The following DPP6 variants were observed in gnomAD, a reference collection of about 807,000 sequenced individuals.
DPP6 encodes the protein A-type potassium channel modulatory protein DPP6.
In DPP6, 69 loss-of-function variants were observed where a neutral mutation model predicts 122.6. The observed-to-expected ratio is 0.56, with a 90% CI of 0.46 to 0.69. The LOEUF is 0.69. Among genes scored for constraint, DPP6 ranks in the 30% least tolerant of loss-of-function variants. The pLI is 0.00. For missense variants in DPP6, 928 were observed against 1,116.9 expected (o/e 0.83, Z 2.41); for synonymous variants, 418 against 433.1 (o/e 0.97, Z 0.43).
intron 22 of DPP6, among the ~76,000 whole-genome samples, chr7:154,886,522 C>T (rs1806169283): frequency 6.6e-6 from 1 of 152,212 alleles, no homozygotes; most frequent in African/African-American, 2.4e-5. Flanking sequence ...GTGACCTGAA[C>T]CCATTTCTTA....
chr7:153,988,537 C>A (rs1490544006), intron 1 of DPP6, among the ~76,000 whole-genome samples: 1 of 152,160 alleles, frequency 6.6e-6, no homozygotes, highest in African/African-American at 2.4e-5. Flanking sequence ...GCCTCACCCA[C>A]CCTTTTTTGA....
chr7:154,536,681 A>C (rs1263737291), intron 3 of DPP6, among the ~76,000 whole-genome samples: 2 of 152,210 alleles, frequency 1.3e-5, no homozygotes, highest in Non-Finnish European at 1.5e-5. Context: ...TCCAGATAGC[A>C]AGATGTACTA....
At chr7:153,809,758 C>G in the DPP6 span, among the ~76,000 whole-genome samples, 3 of 150,594 alleles carry the variant, frequency 2.0e-5, no homozygotes, top group Non-Finnish European at 4.4e-5. Context: ...ATGAGCTCCA[C>G]GAAGTTGCCC....
intron 20 of DPP6, among the ~76,000 whole-genome samples, chr7:154,878,154 C>T (rs1388116545): frequency 6.6e-6 from 1 of 152,210 alleles, no homozygotes; most frequent in African/African-American, 2.4e-5. Flanking sequence ...GGGGCCTCCC[C>T]GCCATCAAGG....
intron 1 of DPP6, among the ~76,000 whole-genome samples, chr7:154,323,726 C>T (rs1808178849): frequency 6.6e-6 from 1 of 152,188 alleles, no homozygotes; most frequent in South Asian, 2.1e-4. Context: ...TCCTCTGTCA[C>T]CCTCAGAACA....
intron 1 of DPP6, among the ~76,000 whole-genome samples, chr7:154,294,368 C>A (rs1805401654): frequency 6.6e-6 from 1 of 152,122 alleles, no homozygotes; most frequent in South Asian, 2.1e-4. Context: ...TTTTAGATTT[C>A]CATTGCTTAT....
intron 1 of DPP6, among the ~76,000 whole-genome samples, chr7:154,097,619 C>A (rs998265181): frequency 1.3e-5 from 2 of 152,266 alleles, no homozygotes; most frequent in Non-Finnish European, 2.9e-5. Flanking sequence ...ATTACCCCAA[C>A]ACTTAGTGGC....
At chr7:154,405,033 G>C (rs910627082) in intron 1 of DPP6, among the ~76,000 whole-genome samples, 1 of 152,180 alleles carries the variant, frequency 6.6e-6, no homozygotes, top group African/African-American at 2.4e-5. Context: ...ATAAATATGT[G>C]TGTGTACACA....
chr7:154,050,502 C>T (rs374428258), upstream of DPP6, among the ~76,000 whole-genome samples: 3 of 151,980 alleles, frequency 2.0e-5, no homozygotes, highest in East Asian at 1.9e-4. Context: ...GTCAGGATCG[C>T]GATGCTGCGG....
At chr7:154,273,474 A>G (rs551583910) in intron 1 of DPP6, among the ~76,000 whole-genome samples, 13 of 152,218 alleles carry the variant, frequency 8.5e-5, no homozygotes, top group Non-Finnish European at 1.5e-4. Flanking sequence ...AAAATTGTCA[A>G]GTGACAATTA....
chr7:154,425,321 T>C (rs1419426725), intron 1 of DPP6, among the ~76,000 whole-genome samples: 1 of 152,190 alleles, frequency 6.6e-6, no homozygotes, highest in Non-Finnish European at 1.5e-5. Flanking sequence ...CTAAAGTGGA[T>C]TTGAACCAGT....
intron 2 of DPP6, among the ~76,000 whole-genome samples, chr7:154,449,166 G>A (rs1820137167): frequency 6.6e-6 from 1 of 151,804 alleles, no homozygotes. Flanking sequence ...TTGCAAATCA[G>A]GTATCTAGTA....
At chr7:154,497,628 A>G (rs1024590566) in intron 3 of DPP6, among the ~76,000 whole-genome samples, 1 of 149,874 alleles carries the variant, frequency 6.7e-6, no homozygotes, top group African/African-American at 2.4e-5. Flanking sequence ...AAAAAAAAAA[A>G]GAAAAGAAAA....
chr7:154,893,131 T>C lies in DPP6; in HGVS notation c.*651T>C. ...ATGCTCCACTGTCTCCGTCATGGGG[T>C]TGTTTTGCTGTTTGGGGTTGGGCCT... is the stretch of plus-strand genomic sequence containing the variant. On this transcript the variant is annotated 3_prime_UTR_variant, in exon 26 of 26. Coordinates refer to ENST00000377770, the MANE Select transcript of DPP6 (RefSeq NM_130797.4). 5.7e-6 allele frequency: 2 copies of C among 351,218 alleles called. No homozygotes were observed. Among genetic ancestry groups the C allele is most frequent in the South Asian group, 4.3e-5 (2 of 46,502 alleles). 21.8% of individuals were successfully genotyped at this position (351,218 alleles called of 1,614,324 possible).
At chr7:154,622,946 T>G (rs1834791618) in intron 5 of DPP6, among the ~76,000 whole-genome samples, 2 of 152,218 alleles carry the variant, frequency 1.3e-5, no homozygotes, top group African/African-American at 4.8e-5. Context: ...AAAGCAATCT[T>G]AAATGCAGAA....
At chr7:154,249,266 C>T (rs868765003) in intron 1 of DPP6, among the ~76,000 whole-genome samples, 15 of 152,284 alleles carry the variant, frequency 9.9e-5, no homozygotes, top group African/African-American at 3.1e-4. Context: ...TGGTTTTGTG[C>T]GTCAAGCACA....
At chr7:154,203,607 A>G (rs1799283746) in intron 1 of DPP6, among the ~76,000 whole-genome samples, 1 of 152,200 alleles carries the variant, frequency 6.6e-6, no homozygotes, top group African/African-American at 2.4e-5. Context: ...AGCAAGCGAC[A>G]TATCCTAATA....
At chr7:154,644,034 G>T (rs1826391962) in intron 6 of DPP6, among the ~76,000 whole-genome samples, 1 of 152,182 alleles carries the variant, frequency 6.6e-6, no homozygotes, top group African/African-American at 2.4e-5. Flanking sequence ...GCATGGGTAG[G>T]CATAGGGTTA....
the DPP6 span, among the ~76,000 whole-genome samples, chr7:153,809,354 G>A: frequency 1.3e-5 from 2 of 152,018 alleles, no homozygotes; most frequent in Non-Finnish European, 2.9e-5. Flanking sequence ...CCACGTGTTA[G>A]CCTTTGCTCA....
Sources: allele counts gnomAD v4.1 joint callset (sites outside exome capture counted in the v4.1 genomes callset), GRCh38; gene constraint gnomAD v4.1.1; transcripts MANE v1.5; gene names NCBI Gene and HGNC (gene_info 2026-07-23, HGNC 2026-07-21).